LARGE1: variants seen among roughly 807,000 people sequenced by gnomAD.
The protein encoded by LARGE1 is xylosyl- and glucuronyltransferase LARGE1.
In LARGE1, 43 loss-of-function variants were observed where a neutral mutation model predicts 87.6. The observed-to-expected ratio is 0.49, with a 90% CI of 0.38 to 0.63. The LOEUF (loss-of-function observed/expected upper bound fraction) is 0.63. LARGE1 is among the 30% of genes least tolerant of loss of function. LARGE1 has a pLI of 0.00. For synonymous variants in LARGE1, 434 were observed against 394.6 expected (o/e 1.10, Z -1.18); for missense variants, 802 against 1,000.2 (o/e 0.80, Z 2.67).
At chr22:33,395,423 G>A (rs1220165408) in intron 7 of LARGE1, among the ~76,000 whole-genome samples, 3 of 152,110 alleles carry the variant, frequency 2.0e-5, no homozygotes, top group Admixed American at 1.3e-4. Flanking sequence ...CTGCATGGTA[G>A]GAACATTCCC....
chr22:33,296,417 C>T (rs908350924), intron 12 of LARGE1, among the ~76,000 whole-genome samples: 1 of 152,186 alleles, frequency 6.6e-6, no homozygotes, highest in Non-Finnish European at 1.5e-5. Context: ...GTATAGGATA[C>T]ATTTGGCAAA....
the LARGE1 span, among the ~76,000 whole-genome samples, chr22:33,098,434 A>G: frequency 6.6e-6 from 1 of 152,064 alleles, no homozygotes; most frequent in Non-Finnish European, 1.5e-5. Context: ...CCTGGCTAAC[A>G]CGGTGAAACC....
rs999121267 is a variant in LARGE1, at chr22:33,685,420, G to T, written c.107-34752C>A. ...TAGAACCCAGTCATATTCCTTGGGAGCATTTGGGGGACAGGGTTTTCTCTT... is the reference window on the plus strand; with the variant it reads ...TAGAACCCAGTCATATTCCTTGGGATCATTTGGGGGACAGGGTTTTCTCTT... On this transcript the variant is annotated intron_variant, in intron 2 of 14. Transcript: ENST00000397394. Among the ~76,000 whole-genome samples, 10 of 152,276 alleles carry T rather than the reference G, an allele frequency of 6.6e-5. 2 individuals are homozygous for T. Among genetic ancestry groups the T allele is most frequent in the East Asian group, 1.9e-4 (1 of 5,186 alleles).
chr22:33,214,184 T>C (rs1344565939), intron 11 of LARGE1, among the ~76,000 whole-genome samples: 1 of 152,198 alleles, frequency 6.6e-6, no homozygotes, highest in Non-Finnish European at 1.5e-5. Context: ...TTCTGGAGGC[T>C]ACAAGTCCAA....
the LARGE1 span, among the ~76,000 whole-genome samples, chr22:33,081,586 A>AT: frequency 5.3e-4 from 81 of 152,224 alleles, no homozygotes; most frequent in African/African-American, 1.9e-3. Context: ...TATACCAGGG[A>AT]TTTTTTCAAA....
At chr22:33,858,924 AG>A (rs753173413) in intron 1 of LARGE1, among the ~76,000 whole-genome samples, 2 of 149,254 alleles carry the variant, frequency 1.3e-5, no homozygotes, top group Non-Finnish European at 2.9e-5. Flanking sequence ...CATCATTCTC[AG>A]CAAACTAACA....
intron 6 of LARGE1, among the ~76,000 whole-genome samples, chr22:33,449,684 T>C (rs1204734311): frequency 4.6e-5 from 7 of 152,230 alleles, no homozygotes; most frequent in Non-Finnish European, 2.9e-5. Context: ...TTAGGCTGCC[T>C]GGTATATATG....
chr22:33,427,352 T>C (rs1407943889), intron 7 of LARGE1, among the ~76,000 whole-genome samples: 3 of 152,176 alleles, frequency 2.0e-5, no homozygotes, highest in Non-Finnish European at 4.4e-5. Flanking sequence ...GCTTCTGGAA[T>C]TAAGTTGGGA....
intron 2 of LARGE1, chr22:33,747,523 T>C (rs1340664637): frequency 6.6e-6 from 1 of 152,482 alleles, no homozygotes; most frequent in Non-Finnish European, 1.5e-5. Context: ...GATCACCCTA[T>C]TAACACAGCA....
the LARGE1 span, among the ~76,000 whole-genome samples, chr22:33,138,428 G>T: frequency 6.7e-6 from 1 of 149,788 alleles, no homozygotes; most frequent in South Asian, 2.2e-4. Context: ...TGAGACTTTG[G>T]ACTGAGGACT....
chr22:33,412,786 G>A (rs1320063610), intron 7 of LARGE1, among the ~76,000 whole-genome samples: 1 of 152,000 alleles, frequency 6.6e-6, no homozygotes, highest in Non-Finnish European at 1.5e-5. Flanking sequence ...TCAGCCTCCC[G>A]AGTAGCTGCG....
chr22:33,344,976 C>T (rs1939592887), intron 9 of LARGE1, among the ~76,000 whole-genome samples: 2 of 152,084 alleles, frequency 1.3e-5, no homozygotes, highest in African/African-American at 2.4e-5. Flanking sequence ...AGAATGCACC[C>T]AAAATAGATT....
intron 6 of LARGE1, among the ~76,000 whole-genome samples, chr22:33,481,718 G>A (rs926453999): frequency 3.3e-5 from 5 of 152,150 alleles, no homozygotes; most frequent in African/African-American, 1.2e-4. Context: ...TAGAACAACT[G>A]CCAACATTCA....
rs1048914313 is a variant in LARGE1, at chr22:33,316,168, G to C, written c.1368C>G (p.Thr456=). The change falls in exon 11 of 15, where the codon ACC becomes ACG. Residue 456 remains threonine (T), a synonymous_variant. Coordinates refer to ENST00000397394, the MANE Select transcript of LARGE1 (RefSeq NM_133642.5). The stretch of plus-strand genomic sequence containing the variant: ...ACTCGTAGTGCAGGAAGTACAGGTG[G>C]GTGCGGTGGACAGTGAAGCGCTCTC... The part of the protein sequence containing the change: ...FRRERFTVHR[T]HLYFLHYEYE... 1 of 1,614,022 alleles carries C rather than the reference G, an allele frequency of 6.2e-7. No homozygotes were observed. The highest frequency in any genetic ancestry group is 8.5e-7 in the Non-Finnish European group (1 of 1,180,038).
At chr22:33,197,508 G>A (rs545243170) in intron 11 of LARGE1, among the ~76,000 whole-genome samples, 19 of 151,938 alleles carry the variant, frequency 1.3e-4, no homozygotes, top group Non-Finnish European at 2.4e-4. Flanking sequence ...AATGGTAAAT[G>A]AAATTAAAAA....
Position 33,259,856 on chromosome 22 carries a change from C to T in LARGE1, c.1730+44373G>A, listed in dbSNP as rs62224757. ...CCTGCCTTGTTGAATGTTGCTCTTC[C>T]GTATCTACCACATGCATCTGGTATT... On this transcript the variant is annotated intron_variant, in intron 11 of 11. Transcript: ENST00000608642. Among the ~76,000 whole-genome samples, 747 of 152,268 alleles carry T rather than the reference C, an allele frequency of 4.9e-3. 2 individuals carry two copies. The highest frequency in any genetic ancestry group is 7.1e-3 in the Non-Finnish European group (485 of 68,012).
rs560351233 is a variant in LARGE1 at position 33,551,405 on chromosome 22, C to T, written c.787+13443G>A. 2.4e-4 allele frequency among the ~76,000 whole-genome samples: 37 copies of T among 152,316 alleles called. 2 individuals are homozygous for T. In the South Asian group the frequency reaches 2.5e-3, roughly 10 times the overall value. ...CCCTCCTCTCCATGGCTCAGAATTA[C>T]TGTTCAAAAGGCAGAGCTGTCAATG... On this transcript the variant is annotated intron_variant, in intron 6 of 14. Coordinates refer to ENST00000397394, the MANE Select transcript of LARGE1 (RefSeq NM_133642.5).
chr22:33,445,545 A>T (rs1274335812), intron 6 of LARGE1, among the ~76,000 whole-genome samples: 1 of 151,842 alleles, frequency 6.6e-6, no homozygotes, highest in African/African-American at 2.4e-5. Context: ...ATCTCAGAAA[A>T]ATACTTGGTC....
rs191399475 is a variant in LARGE1 at position 33,745,684 on chromosome 22, C to T, written c.106+15687G>A. The stretch of plus-strand genomic sequence containing the variant: ...TGGAGCAGGCTGACCCTAATCTGCC[C>T]TGAAAGGCTGGATCCAATCATCCAT... On this transcript the variant is annotated intron_variant, in intron 2 of 14. Transcript: ENST00000397394. Among the ~76,000 whole-genome samples the T allele has an allele frequency of 2.4e-3, 361 of 152,270 alleles. 5 individuals are homozygous for T. Among genetic ancestry groups the T allele is most frequent in the Admixed American group, 0.022 (336 of 15,302 alleles).
Sources: allele counts gnomAD v4.1 joint callset (sites outside exome capture counted in the v4.1 genomes callset), GRCh38; gene constraint gnomAD v4.1.1; transcripts MANE v1.5; gene names NCBI Gene and HGNC (gene_info 2026-07-23, HGNC 2026-07-21).